The following ADGRL3 variants were observed in gnomAD, a reference collection of about 807,000 sequenced individuals.
ADGRL3 encodes adhesion G protein-coupled receptor L3, also known as calcium-independent alpha-latrotoxin receptor 3.
ADGRL3 carries 62 observed loss-of-function variants against 153.5 expected under a neutral mutation model. The ratio of observed to expected loss-of-function variants is 0.40; its 90% CI spans 0.33 to 0.50. ADGRL3 has a LOEUF of 0.50. ADGRL3 is among the 20% of genes least tolerant of loss of function. The probability of loss-of-function intolerance (pLI) is 0.47; values close to 1 mark genes in which losing one functional copy is unlikely to be tolerated. For synonymous variants in ADGRL3, 710 were observed against 672.5 expected, an observed-to-expected ratio of 1.06 and a Z score of -0.86; for missense variants, 1,641 against 1,859.4, an observed-to-expected ratio of 0.88 and a Z score of 2.16.
chr4:61,550,861 G>A (rs1341085557), intron 4 of ADGRL3, among the ~76,000 whole-genome samples: 1 of 152,086 alleles, frequency 6.6e-6, no homozygotes, highest in African/African-American at 2.4e-5. Context: ...ATTAGTCTAG[G>A]GAGCTGGCCA....
chr4:61,953,549 C>A (rs547269576), intron 17 of ADGRL3, among the ~76,000 whole-genome samples: 85 of 152,266 alleles, frequency 5.6e-4, no homozygotes, highest in African/African-American at 2.0e-3. Context: ...CTTCCTCCTT[C>A]CTAATTGTCA....
intron 18 of ADGRL3, among the ~76,000 whole-genome samples, chr4:61,980,489 G>C: frequency 6.6e-6 from 1 of 151,252 alleles, no homozygotes. Flanking sequence ...ATTCACGCAG[G>C]AGTGCAATGG....
At chr4:61,530,993 A>G (rs889073812) in intron 4 of ADGRL3, among the ~76,000 whole-genome samples, 2 of 152,186 alleles carry the variant, frequency 1.3e-5, no homozygotes, top group African/African-American at 4.8e-5. Flanking sequence ...AGTTCTTAAT[A>G]TAGTCTGTGG....
At chr4:61,497,539 A>T in intron 3 of ADGRL3, among the ~76,000 whole-genome samples, 191 bp downstream of exon 3, 1 of 129,208 alleles carries the variant, frequency 7.7e-6, no homozygotes. Context: ...TTTTTCAGTC[A>T]GAGCCTCGCA....
chr4:61,778,525 C>T (rs1309899371), intron 8 of ADGRL3, among the ~76,000 whole-genome samples: 2 of 152,190 alleles, frequency 1.3e-5, no homozygotes, highest in South Asian at 2.1e-4. Flanking sequence ...TTTTTGCTTT[C>T]AGCTTTCACA....
chr4:61,850,120 A>G (rs1051066822), intron 9 of ADGRL3, among the ~76,000 whole-genome samples: 1 of 152,152 alleles, frequency 6.6e-6, no homozygotes, highest in African/African-American at 2.4e-5. Flanking sequence ...TGCTTTAACT[A>G]AGAACGTTGT....
At chr4:61,580,096 G>A (rs190430522) in intron 4 of ADGRL3, among the ~76,000 whole-genome samples, 8 of 152,178 alleles carry the variant, frequency 5.3e-5, no homozygotes, top group Middle Eastern at 6.8e-3. Flanking sequence ...CTTTTTGGCA[G>A]CATTGAAGTA....
chr4:61,412,077 C>G (rs981019204), intron 2 of ADGRL3, among the ~76,000 whole-genome samples: 1 of 130,032 alleles, frequency 7.7e-6, no homozygotes, highest in Non-Finnish European at 1.7e-5. Flanking sequence ...TCAGAAAGCT[C>G]AATTTTGTTG....
chr4:61,968,595 A>G (rs955685103), intron 17 of ADGRL3, among the ~76,000 whole-genome samples: 4 of 152,188 alleles, frequency 2.6e-5, no homozygotes, highest in Non-Finnish European at 2.9e-5. Flanking sequence ...CTCAAAGCAC[A>G]TATCTTCTCC....
At chr4:61,234,265 A>G (rs1414369318) in intron 1 of ADGRL3, among the ~76,000 whole-genome samples, 1 of 152,150 alleles carries the variant, frequency 6.6e-6, no homozygotes, top group African/African-American at 2.4e-5. Flanking sequence ...CAAAAGGCAC[A>G]TCTTACATAG....
chr4:61,953,257 A>G (rs550319141), intron 17 of ADGRL3, among the ~76,000 whole-genome samples: 85 of 152,318 alleles, frequency 5.6e-4, no homozygotes, highest in African/African-American at 2.0e-3. Context: ...TGTAAAGGAA[A>G]CAAAATTATA....
intron 2 of ADGRL3, among the ~76,000 whole-genome samples, chr4:61,441,511 C>T (rs1003523969): frequency 1.3e-4 from 9 of 71,502 alleles, no homozygotes; most frequent in African/African-American, 3.6e-4. Flanking sequence ...TAACCTCCCC[C>T]TCTCACTCTT....
intron 21 of ADGRL3, among the ~76,000 whole-genome samples, chr4:62,002,332 T>G (rs1187910355): frequency 1.3e-5 from 2 of 150,246 alleles, no homozygotes; most frequent in East Asian, 3.9e-4. Flanking sequence ...TGCTCTCTTT[T>G]GCCTCAGATC....
chr4:61,500,279 A>G (rs1434402272), intron 3 of ADGRL3, among the ~76,000 whole-genome samples: 1 of 152,202 alleles, frequency 6.6e-6, no homozygotes, highest in Non-Finnish European at 1.5e-5. Flanking sequence ...CCTTTATTTT[A>G]AAACTTTGTA....
intron 3 of ADGRL3, among the ~76,000 whole-genome samples, chr4:61,510,853 G>A (rs1343588860): frequency 6.6e-6 from 1 of 152,056 alleles, no homozygotes. Context: ...CTTTGGGTGG[G>A]CAGTATGGCG....
intron 1 of ADGRL3, among the ~76,000 whole-genome samples, chr4:61,274,896 C>T (rs1209060519): frequency 6.6e-6 from 1 of 152,128 alleles, no homozygotes; most frequent in Non-Finnish European, 1.5e-5. Flanking sequence ...GCACTGCACT[C>T]CAGCCTGGGT....
At chr4:61,413,681 G>A (rs572464506) in intron 2 of ADGRL3, among the ~76,000 whole-genome samples, 3 of 152,096 alleles carry the variant, frequency 2.0e-5, no homozygotes, top group East Asian at 1.9e-4. Flanking sequence ...GGCCATTTTC[G>A]GTCTATATCT....
chr4:61,321,049 A>G (rs549416759), intron 1 of ADGRL3, among the ~76,000 whole-genome samples: 1 of 152,156 alleles, frequency 6.6e-6, no homozygotes, highest in African/African-American at 2.4e-5. Context: ...ACCTTCTTTC[A>G]TTTATAAGGG....
In ADGRL3 at chr4:61,371,212, A is replaced by G. The variant is rs560543215; in HGVS notation, c.-239-11912A>G. Among the ~76,000 whole-genome samples, 919 of 151,534 alleles carry G rather than the reference A, an allele frequency of 6.1e-3. 9 individuals are homozygous for G. The highest frequency in any genetic ancestry group is 0.02 in the African/African-American group (840 of 41,260). Reference sequence around the variant, plus strand: ...TTGCCAGTCTGTGTCTTTTAATTGGAGGATTTAGTCCATTTACATTTAAAG... The same window carrying G: ...TTGCCAGTCTGTGTCTTTTAATTGGGGGATTTAGTCCATTTACATTTAAAG... On this transcript the variant is annotated intron_variant, in intron 1 of 26. Transcript: ENST00000683033.
Sources: gnomAD v4.1 joint callset for allele counts (sites outside exome capture counted in the v4.1 genomes callset) on GRCh38, gnomAD v4.1.1 for gene constraint, MANE v1.5 for transcripts, NCBI Gene and HGNC (gene_info 2026-07-23, HGNC 2026-07-21) for gene names.